PPP3CA: variants seen among roughly 807,000 people sequenced by gnomAD.
PPP3CA encodes the protein CAM-PRP catalytic subunit.
A neutral mutation model predicts 66.5 loss-of-function variants in PPP3CA; 14 were observed. The observed-to-expected ratio is 0.21, with a 90% CI of 0.14 to 0.33. The LOEUF (loss-of-function observed/expected upper bound fraction) is 0.33. Among genes scored for constraint, PPP3CA ranks in the 10% least tolerant of loss-of-function variants. PPP3CA has a pLI of 1.00. For synonymous variants in PPP3CA, 232 were observed against 226.2 expected, an observed-to-expected ratio of 1.03 and a Z score of -0.23; for missense variants, 317 against 639.5, an observed-to-expected ratio of 0.50 and a Z score of 5.44.
intron 2 of PPP3CA, among the ~76,000 whole-genome samples, chr4:101,127,536 GAA>G (rs972269736): frequency 1.3e-5 from 2 of 152,118 alleles, no homozygotes; most frequent in African/African-American, 2.4e-5. Flanking sequence ...CCAGAAGCTG[GAA>G]GAGGCAAGGA....
intron 2 of PPP3CA, among the ~76,000 whole-genome samples, chr4:101,183,085 A>T (rs1034540953): frequency 6.6e-6 from 1 of 152,152 alleles, no homozygotes; most frequent in South Asian, 2.1e-4. Flanking sequence ...AAAATTTATT[A>T]AAAAGACCCA....
intron 1 of PPP3CA, among the ~76,000 whole-genome samples, chr4:101,283,548 T>C (rs575906709): frequency 9.4e-4 from 143 of 152,334 alleles, no homozygotes; most frequent in Non-Finnish European, 1.7e-3. Context: ...GAAAAATCAG[T>C]GCTTGCAGGG....
chr4:101,206,549 T>A (rs1725136435), intron 1 of PPP3CA, among the ~76,000 whole-genome samples: 1 of 152,218 alleles, frequency 6.6e-6, no homozygotes, highest in Admixed American at 6.5e-5. Flanking sequence ...ATTGCTGGAA[T>A]TATAATGCCA....
chr4:101,034,580 A>T (rs1447161057), intron 11 of PPP3CA, among the ~76,000 whole-genome samples: 1 of 151,540 alleles, frequency 6.6e-6, no homozygotes, highest in Non-Finnish European at 1.5e-5. Flanking sequence ...CAGCACCCAG[A>T]CTAGAACAGT....
At position 101,165,104 on chromosome 4, in the gene PPP3CA, TAAAC is replaced by T. The variant is rs1262452449; in HGVS notation, c.259+30808_259+30811del. ...GGTTATGCTCTATGGAATCTGCGATTAAACAAAACGGCAGCAGCTGCTGCAGCAA... is the reference window on the plus strand; with the variant it reads ...GGTTATGCTCTATGGAATCTGCGATTAAAACGGCAGCAGCTGCTGCAGCAA... On this transcript the variant is annotated intron_variant, in intron 2 of 13. Transcript: ENST00000394854. 4.6e-5 allele frequency among the ~76,000 whole-genome samples: 7 copies of T among 152,240 alleles called. No homozygotes were observed. In the Middle Eastern group the frequency reaches 0.01, roughly 222 times the overall value.
intron 2 of PPP3CA, among the ~76,000 whole-genome samples, chr4:101,185,084 T>G (rs1724369090): frequency 6.6e-6 from 1 of 152,040 alleles, no homozygotes; most frequent in Non-Finnish European, 1.5e-5. Flanking sequence ...TATGCTAAAG[T>G]CAGTTGTTTA....
intron 8 of PPP3CA, among the ~76,000 whole-genome samples, chr4:101,068,819 G>T (rs907212444): frequency 6.6e-6 from 1 of 152,070 alleles, no homozygotes; most frequent in African/African-American, 2.4e-5. Flanking sequence ...TATTTGGTGA[G>T]CAAGGACTGT....
intron 6 of PPP3CA, among the ~76,000 whole-genome samples, chr4:101,085,571 T>C (rs1177030617): frequency 2.6e-5 from 4 of 152,148 alleles, no homozygotes; most frequent in African/African-American, 9.7e-5. Flanking sequence ...AGGGAATTCA[T>C]TTTGAAGAAA....
At chr4:101,185,309 C>G (rs902516992) in intron 2 of PPP3CA, among the ~76,000 whole-genome samples, 5 of 152,014 alleles carry the variant, frequency 3.3e-5, no homozygotes, top group Admixed American at 2.6e-4. Context: ...TGGGGTTCAT[C>G]CTTCACTGGA....
chr4:101,320,710 A>G (rs751852490), intron 1 of PPP3CA, among the ~76,000 whole-genome samples: 1 of 152,184 alleles, frequency 6.6e-6, no homozygotes, highest in Non-Finnish European at 1.5e-5. Context: ...GTTTCAATGT[A>G]TAATTAAGCT....
intron 1 of PPP3CA, among the ~76,000 whole-genome samples, chr4:101,253,858 G>C (rs190075335): frequency 6.6e-6 from 1 of 152,048 alleles, no homozygotes; most frequent in Admixed American, 6.6e-5. Context: ...ATGCTCCTTA[G>C]AAAAGTAGAA....
intron 1 of PPP3CA, among the ~76,000 whole-genome samples, chr4:101,259,506 T>C (rs980017730): frequency 5.9e-5 from 9 of 152,136 alleles, no homozygotes; most frequent in African/African-American, 1.9e-4. Flanking sequence ...ACTTTGTTCT[T>C]TTTTGTACCA....
At chr4:101,241,705 C>T (rs1726316102) in intron 1 of PPP3CA, among the ~76,000 whole-genome samples, 1 of 151,998 alleles carries the variant, frequency 6.6e-6, no homozygotes, top group African/African-American at 2.4e-5. Flanking sequence ...TCTTTATTTG[C>T]TTTATTTTTT....
Position 101,172,297 on chromosome 4 carries a change from T to G in PPP3CA, c.259+23619A>C, listed in dbSNP as rs147355510. On this transcript the variant is annotated intron_variant, in intron 2 of 13. Transcript: ENST00000394854. ...ATTTCTGACACTTCTATCTGCGGCC[T>G]TAGACAAGCTCTTAACATTACTGGC... Among the ~76,000 whole-genome samples the G allele has an allele frequency of 4.3e-3, 659 of 152,284 alleles. 3 individuals are homozygous for G. The highest frequency in any genetic ancestry group is 0.015 in the African/African-American group (609 of 41,572).
chr4:101,093,337 G>A (rs974475914), intron 6 of PPP3CA, among the ~76,000 whole-genome samples: 2 of 151,752 alleles, frequency 1.3e-5, no homozygotes, highest in Non-Finnish European at 2.9e-5. Flanking sequence ...ATTATGACTA[G>A]CTGAAGGCTC....
chr4:101,106,581 G>A (rs1248208229), intron 3 of PPP3CA, among the ~76,000 whole-genome samples: 1 of 151,994 alleles, frequency 6.6e-6, no homozygotes, highest in Non-Finnish European at 1.5e-5. Flanking sequence ...TCCTCCCATT[G>A]CTGTTTATTG....
intron 10 of PPP3CA, among the ~76,000 whole-genome samples, chr4:101,060,860 A>C (rs1457382735): frequency 2.0e-5 from 3 of 152,186 alleles, no homozygotes; most frequent in African/African-American, 7.2e-5. Flanking sequence ...GCTTATTAAA[A>C]CAGTTTACTA....
At chr4:101,266,253 T>C (rs1305897715) in intron 1 of PPP3CA, among the ~76,000 whole-genome samples, 1 of 152,120 alleles carries the variant, frequency 6.6e-6, no homozygotes, top group Non-Finnish European at 1.5e-5. Flanking sequence ...GCCAGTAAAT[T>C]ACTAACAGAA....
At chr4:101,086,099 T>G (rs1415405497) in intron 6 of PPP3CA, among the ~76,000 whole-genome samples, 1 of 152,116 alleles carries the variant, frequency 6.6e-6, no homozygotes, top group Non-Finnish European at 1.5e-5. Context: ...TTATAAAAAA[T>G]ATTTTTAAAA....
Sources: gnomAD v4.1 joint callset for allele counts (sites outside exome capture counted in the v4.1 genomes callset) on GRCh38, gnomAD v4.1.1 for gene constraint, MANE v1.5 for transcripts, NCBI Gene and HGNC (gene_info 2026-07-23, HGNC 2026-07-21) for gene names.